The following RABGEF1 variants were observed in gnomAD, a reference collection of about 807,000 sequenced individuals.
RABGEF1 encodes rab5 GDP/GTP exchange factor.
RABGEF1 carries 26 observed loss-of-function variants against 57.3 expected under a neutral mutation model. The observed-to-expected ratio is 0.45, with a 90% CI of 0.33 to 0.63. The LOEUF (loss-of-function observed/expected upper bound fraction) is 0.63, where lower values mean the gene tolerates loss of function less well. Among genes scored for constraint, RABGEF1 ranks in the 20% least tolerant of loss-of-function variants. The probability of loss-of-function intolerance (pLI) is 0.02; values close to 1 mark genes in which losing one functional copy is unlikely to be tolerated. For missense variants in RABGEF1, 464 were observed against 607.6 expected, an observed-to-expected ratio of 0.76 and a Z score of 2.48; for synonymous variants, 185 against 210.7, an observed-to-expected ratio of 0.88 and a Z score of 1.06.
intron 2 of RABGEF1, among the ~76,000 whole-genome samples, chr7:66,716,660 TA>T (rs146077581): frequency 9.9e-5 from 15 of 152,082 alleles, no homozygotes; most frequent in African/African-American, 1.4e-4. Context: ...TGTCTTTTTT[TA>T]AAAAAAACTC....
intron 1 of RABGEF1, among the ~76,000 whole-genome samples, chr7:66,690,589 C>T (rs1456653420): frequency 6.6e-6 from 1 of 151,056 alleles, no homozygotes; most frequent in Admixed American, 6.6e-5. Flanking sequence ...GTGTTACATG[C>T]CTGTGGTTCC....
At chr7:66,696,535 C>T (rs149245985) in intron 1 of RABGEF1, among the ~76,000 whole-genome samples, 1,887 of 151,776 alleles carry the variant, frequency 0.012, 37 homozygotes, top group African/African-American at 0.042. Context: ...ACTAAAAATA[C>T]AAAAATTAGC....
upstream of RABGEF1, among the ~76,000 whole-genome samples, chr7:66,680,294 T>G (rs952522891): frequency 1.2e-4 from 18 of 152,140 alleles, no homozygotes; most frequent in African/African-American, 4.3e-4. Context: ...TTGCCCAAGC[T>G]GGAGTGCAAT....
chr7:66,695,044 G>T (rs1256008920), intron 1 of RABGEF1, among the ~76,000 whole-genome samples: 1 of 152,188 alleles, frequency 6.6e-6, no homozygotes, highest in Middle Eastern at 3.2e-3. Flanking sequence ...GGGTGCGGCA[G>T]CTCATGCCTG....
intron 1 of RABGEF1, among the ~76,000 whole-genome samples, chr7:66,758,454 C>T (rs528595479): frequency 6.6e-6 from 1 of 152,288 alleles, no homozygotes; most frequent in African/African-American, 2.4e-5. Context: ...TTCTTTATGC[C>T]CAGGTTGCTC....
intron 2 of RABGEF1, among the ~76,000 whole-genome samples, chr7:66,727,022 A>G (rs1460009268): frequency 6.6e-6 from 1 of 152,172 alleles, no homozygotes; most frequent in Non-Finnish European, 1.5e-5. Context: ...ATAAAATAAA[A>G]TATAATATGG....
chr7:66,750,924 T>G (rs1167861722), intron 1 of RABGEF1, among the ~76,000 whole-genome samples: 1 of 152,258 alleles, frequency 6.6e-6, no homozygotes, highest in Non-Finnish European at 1.5e-5. Context: ...AATACACGGT[T>G]TGAATTCTTA....
intron 2 of RABGEF1, among the ~76,000 whole-genome samples, chr7:66,728,104 G>A (rs1272742057): frequency 1.3e-5 from 2 of 152,140 alleles, no homozygotes; most frequent in African/African-American, 4.8e-5. Context: ...AGCAGCTCAG[G>A]GCTCCTTTGT....
chr7:66,674,493 G>T, the RABGEF1 span, among the ~76,000 whole-genome samples: 13 of 152,078 alleles, frequency 8.5e-5, no homozygotes, highest in African/African-American at 3.1e-4. Context: ...CGTCCTAAAG[G>T]TCTTACATAG....
At chr7:66,787,668 C>G (rs1390198810) in intron 4 of RABGEF1, among the ~76,000 whole-genome samples, 1 of 152,092 alleles carries the variant, frequency 6.6e-6, no homozygotes, top group Non-Finnish European at 1.5e-5. Flanking sequence ...AGAATCTCAC[C>G]TTAACCAAGC....
intron 8 of RABGEF1, chr7:66,808,208 A>C (rs1355356710): frequency 6.6e-6 from 1 of 151,128 alleles, no homozygotes; most frequent in African/African-American, 2.4e-5. Context: ...CAGTCACTTC[A>C]GAGTTGTTCC....
chr7:66,786,426 C>G (rs1811203970), intron 4 of RABGEF1, among the ~76,000 whole-genome samples: 1 of 152,036 alleles, frequency 6.6e-6, no homozygotes. Flanking sequence ...TTTTTTGAAG[C>G]AGTGTGTTGC....
At chr7:66,764,304 TA>T (rs981802448) in intron 1 of RABGEF1, among the ~76,000 whole-genome samples, 2 of 152,014 alleles carry the variant, frequency 1.3e-5, no homozygotes, top group Admixed American at 6.6e-5. Context: ...TTTTACCTGC[TA>T]AAAAAAATTG....
chr7:66,773,014 A>G (rs1218322486), intron 2 of RABGEF1, among the ~76,000 whole-genome samples: 1 of 152,078 alleles, frequency 6.6e-6, no homozygotes, highest in Admixed American at 6.5e-5. Flanking sequence ...AGAGCATTCT[A>G]GAATTCTAAA....
intron 3 of RABGEF1, 136 bp from the exon 4 acceptor site, chr7:66,783,539 C>A: frequency 1.1e-6 from 1 of 869,988 alleles, no homozygotes; most frequent in Non-Finnish European, 1.6e-6. Flanking sequence ...TCCAACCATT[C>A]AAACATAAAA....
Position 66,783,736 on chromosome 7 carries a change from T to G in RABGEF1, c.408T>G (p.Asp136Glu), listed in dbSNP as rs1810503337. 6.2e-7 allele frequency: 1 copy of G among 1,613,318 alleles called. No homozygotes were observed. The highest frequency in any genetic ancestry group is 8.5e-7 in the Non-Finnish European group (1 of 1,179,586). The change falls in exon 4 of 9, where the codon GAT becomes GAG. Residue 136 changes from aspartate (D) to glutamate (E), a missense_variant. This residue lies in a region of RABGEF1 where 284 missense variants were observed against 389.9 expected (regional missense o/e 0.73). Transcript: ENST00000284957. ...ACCGGCAAACCAGCATTGAAACGGA[T>G]AGAGTGTCTAAGGAGTTCATAGAAT... ...SINRQTSIET[D>E]RVSKEFIEFL... is the part of the protein sequence containing the mutation.
At chr7:66,723,983 T>A (rs1214077954) in intron 2 of RABGEF1, among the ~76,000 whole-genome samples, 1 of 152,248 alleles carries the variant, frequency 6.6e-6, no homozygotes, top group African/African-American at 2.4e-5. Flanking sequence ...CATGTTTATG[T>A]TTATCTTTTT....
intron 4 of RABGEF1, among the ~76,000 whole-genome samples, chr7:66,789,750 A>C (rs1812153097): frequency 6.6e-6 from 1 of 152,090 alleles, no homozygotes; most frequent in Non-Finnish European, 1.5e-5. Context: ...AAATAATTAA[A>C]AATGTTTCAT....
intron 2 of RABGEF1, among the ~76,000 whole-genome samples, chr7:66,727,305 G>T (rs1796693466): frequency 6.6e-6 from 1 of 152,172 alleles, no homozygotes; most frequent in Non-Finnish European, 1.5e-5. Flanking sequence ...CGTGGGACAG[G>T]GTGAGTCAGG....
Sources: gnomAD v4.1 joint callset for allele counts (sites outside exome capture counted in the v4.1 genomes callset) on GRCh38, gnomAD v4.1.1 for gene constraint, gnomAD v4.1.1 regional missense constraint, MANE v1.5 for transcripts, NCBI Gene and HGNC (gene_info 2026-07-23, HGNC 2026-07-21) for gene names.